Variants in RBM26 observed in about 807,000 individuals in gnomAD.
RBM26 encodes RNA binding motif protein 26, also known as RNA-binding protein 26.
Under a neutral mutation model 123.6 loss-of-function variants are expected in RBM26, and 30 were observed. That is an observed-to-expected ratio of 0.24 (90% CI 0.18 to 0.33). The LOEUF is 0.33. RBM26 is among the 10% of genes least tolerant of loss of function. RBM26 has a pLI of 1.00. For synonymous variants in RBM26, 400 were observed against 404.4 expected (o/e 0.99, Z 0.13); for missense variants, 947 against 1,203.6 (o/e 0.79, Z 3.15).
At chr13:79,385,331 GTTA>G (rs1230858489) in intron 1 of RBM26, among the ~76,000 whole-genome samples, 12 of 152,144 alleles carry the variant, frequency 7.9e-5, no homozygotes, top group Admixed American at 3.9e-4. Flanking sequence ...CTCATTAAGA[GTTA>G]TTATACACCC....
exon 5 of RBM26, chr13:79,312,840 C>G (rs1010638953): frequency 2.0e-5 from 3 of 151,798 alleles, no homozygotes; most frequent in Admixed American, 1.3e-4. Context: ...AGATTAAAAC[C>G]TAGCAAAGTC....
At chr13:79,400,151 T>A (rs991401944) in intron 1 of RBM26, among the ~76,000 whole-genome samples, 1 of 152,146 alleles carries the variant, frequency 6.6e-6, no homozygotes, top group Non-Finnish European at 1.5e-5. Context: ...CAATATACAC[T>A]CCAAAAAAAG....
intron 11 of RBM26, among the ~76,000 whole-genome samples, chr13:79,357,440 A>G (rs1566433035): frequency 6.6e-6 from 1 of 152,032 alleles, no homozygotes; most frequent in Non-Finnish European, 1.5e-5. Context: ...ATATCACATA[A>G]TATAAACTCA....
chr13:79,334,304 T>C (rs1391643173), intron 20 of RBM26, 40 bp downstream of exon 20: 19 of 1,122,302 alleles, frequency 1.7e-5, no homozygotes, highest in Non-Finnish European at 2.2e-5. Flanking sequence ...TACTTATAAA[T>C]CATTTAAATC....
chr13:79,346,304 G>C (rs2072319991), intron 14 of RBM26, among the ~76,000 whole-genome samples: 1 of 152,066 alleles, frequency 6.6e-6, no homozygotes, highest in South Asian at 2.1e-4. Flanking sequence ...TATTATAATT[G>C]TACTAGTTTC....
chr13:79,362,737 C>T (rs1401309275), intron 9 of RBM26, among the ~76,000 whole-genome samples: 2 of 152,064 alleles, frequency 1.3e-5, no homozygotes, highest in Non-Finnish European at 2.9e-5. Flanking sequence ...ATGTTCCGTA[C>T]CTGAAGGTTC....
Position 79,366,616 on chromosome 13 carries a change from C to A in RBM26, c.1135+17G>T. The A allele has an allele frequency of 1.3e-6, 2 of 1,500,588 alleles. No homozygotes were observed. The highest frequency in any genetic ancestry group is 2.4e-5 in the East Asian group (1 of 42,458). 93.0% of individuals were successfully genotyped at this position (1,500,588 alleles called of 1,614,324 possible). On this transcript the variant is annotated intron_variant, in intron 7 of 21. Coordinates refer to ENST00000438737, the MANE Select transcript of RBM26 (RefSeq NM_001366735.2). The stretch of plus-strand genomic sequence containing the variant: ...GAATGGCTAGATAAATACAGGGAAA[C>A]AAACAGATTTACTTACCTGTAACAG...
intron 20 of RBM26, among the ~76,000 whole-genome samples, chr13:79,323,750 A>AG (rs2138446520): frequency 6.6e-6 from 1 of 151,824 alleles, no homozygotes; most frequent in African/African-American, 2.4e-5. Context: ...TCAAATCTAT[A>AG]AGATGAGGCT....
At chr13:79,365,418 A>G (rs760671416) in intron 9 of RBM26, among the ~76,000 whole-genome samples, 160 bp downstream of exon 9, 3 of 152,180 alleles carry the variant, frequency 2.0e-5, no homozygotes, top group Non-Finnish European at 4.4e-5. Context: ...ACTCCAGCCT[A>G]GGCCACAGAG....
chr13:79,377,211 G>C, intron 3 of RBM26, 168 bp downstream of exon 3: 1 of 539,390 alleles, frequency 1.9e-6, no homozygotes, highest in Non-Finnish European at 3.3e-6. Context: ...ATAAGCCAGG[G>C]CCATAAGCAC....
intron 20 of RBM26, among the ~76,000 whole-genome samples, chr13:79,330,077 T>C (rs575881019): frequency 1.3e-5 from 2 of 152,346 alleles, no homozygotes; most frequent in South Asian, 4.1e-4. Context: ...TCGATAACTG[T>C]TGAAGCTCAA....
chr13:79,319,993 T>TG lies in RBM26; in HGVS notation c.*627_*628insC. 1 of 802,418 alleles carries TG rather than the reference T, an allele frequency of 1.2e-6. No homozygotes were observed. The highest frequency in any genetic ancestry group is 1.5e-6 in the Non-Finnish European group (1 of 677,988). 49.7% of individuals were successfully genotyped at this position (802,418 alleles called of 1,614,324 possible). A position where few individuals can be genotyped will look rare whatever the true frequency, so the allele number is the denominator to read the frequency against. On this transcript the variant is annotated 3_prime_UTR_variant, in exon 22 of 22. Transcript: ENST00000438737. ...TTTGTCATTGCTTTTCTCTTTTCTTTCCTTTTTTTTTTTTAAAGAGACCAT... is the reference window on the plus strand; with the variant it reads ...TTTGTCATTGCTTTTCTCTTTTCTTTGCCTTTTTTTTTTTTAAAGAGACCAT...
At chr13:79,356,994 G>C (rs1025405343) in intron 11 of RBM26, among the ~76,000 whole-genome samples, 29 of 152,028 alleles carry the variant, frequency 1.9e-4, no homozygotes, top group Non-Finnish European at 1.5e-4. Context: ...AGATATTCAA[G>C]ATTAAGTAAA....
chr13:79,350,099 T>C (rs2073012637), intron 14 of RBM26, among the ~76,000 whole-genome samples: 1 of 152,232 alleles, frequency 6.6e-6, no homozygotes, highest in Non-Finnish European at 1.5e-5. Context: ...CAATGGCACC[T>C]GCTAAATCAA....
intron 14 of RBM26, among the ~76,000 whole-genome samples, chr13:79,345,685 A>C (rs1034237902): frequency 1.3e-5 from 2 of 152,110 alleles, no homozygotes; most frequent in East Asian, 1.9e-4. Context: ...ACAAACCCAA[A>C]AATGCATTCC....
intron 21 of RBM26, among the ~76,000 whole-genome samples, chr13:79,321,117 T>C (rs1428125089): frequency 1.3e-5 from 2 of 151,442 alleles, no homozygotes; most frequent in Admixed American, 1.3e-4. Context: ...CCAAGATTTA[T>C]ATTTATATTT....
chr13:79,362,307 TAA>T (rs1475568791), intron 9 of RBM26, among the ~76,000 whole-genome samples: 1 of 152,208 alleles, frequency 6.6e-6, no homozygotes, highest in Non-Finnish European at 1.5e-5. Context: ...CCAAATTAAA[TAA>T]GTTACAAGTT....
intron 1 of RBM26, among the ~76,000 whole-genome samples, chr13:79,391,987 C>CAAG (rs1312131621): frequency 8.0e-5 from 9 of 111,954 alleles, no homozygotes; most frequent in South Asian, 2.6e-4. Context: ...ATATATTATG[C>CAAG]AATACATTAT....
chr13:79,341,804 G>A (rs2071416740), intron 17 of RBM26, among the ~76,000 whole-genome samples: 2 of 151,700 alleles, frequency 1.3e-5, no homozygotes. Context: ...TGGGGCCAGG[G>A]AGAGGCGATC....
Sources: allele counts gnomAD v4.1 joint callset (sites outside exome capture counted in the v4.1 genomes callset), GRCh38; gene constraint gnomAD v4.1.1; transcripts MANE v1.5; gene names NCBI Gene and HGNC (gene_info 2026-07-23, HGNC 2026-07-21).